BRMS1: variants seen among roughly 807,000 people sequenced by gnomAD.
BRMS1 encodes BRMS1 transcriptional repressor and anoikis regulator.
Under a neutral mutation model 40.4 loss-of-function variants are expected in BRMS1, and 26 were observed. That is an observed-to-expected ratio of 0.64 (90% confidence interval 0.47 to 0.89). BRMS1 has a LOEUF of 0.89. Ranked by LOEUF, BRMS1 falls within the 40% of genes least tolerant of loss-of-function variation. The pLI, the probability that BRMS1 is intolerant of heterozygous loss-of-function variation, is 0.00. For synonymous variants in BRMS1, 103 were observed against 116.0 expected (o/e 0.89, Z 0.72); for missense variants, 289 against 309.4 (o/e 0.93, Z 0.49).
intron 9 of BRMS1, 62 bp downstream of exon 9, chr11:66,338,181 T>G: frequency 7.4e-5 from 118 of 1,584,036 alleles, no homozygotes; most frequent in Non-Finnish European, 9.0e-5. Flanking sequence ...TCCTGGAAGC[T>G]GAGCTGAGGA....
Position 66,341,676 on chromosome 11 carries a change from G to A in BRMS1, c.140-53C>T, listed in dbSNP as rs545722634. On this transcript the variant is annotated intron_variant, in intron 2 of 9. Coordinates refer to ENST00000359957, the MANE Select transcript of BRMS1 (RefSeq NM_015399.4). The surrounding 1 kb of genome is among the most constrained non-coding windows in gnomAD (Gnocchi z 4.9). ...CTCTGGGGAGGAGTGGTGGGTACCC[G>A]CATGTGTGCATGTGCGTCCTGCATG... is the stretch of plus-strand genomic sequence containing the variant. 175 of 1,410,292 alleles carry A rather than the reference G, an allele frequency of 1.2e-4. 2 individuals are homozygous for A. In the South Asian group the frequency reaches 1.8e-3, roughly 14 times the overall value. The allele number at this position is 1,410,292 out of a possible 1,614,324, so 87.4% of individuals were successfully genotyped here.
chr11:66,343,578 C>A (rs764950933), intron 1 of BRMS1, among the ~76,000 whole-genome samples: 4 of 152,086 alleles, frequency 2.6e-5, no homozygotes, highest in Non-Finnish European at 5.9e-5. Flanking sequence ...CAAAGATGGA[C>A]CAGCTGGGTG....
Position 66,338,261 on chromosome 11 carries a change from G to T in BRMS1, c.715C>A (p.Gln239Lys). The T allele has an allele frequency of 6.2e-7, 1 of 1,611,532 alleles. No homozygotes were observed. Among genetic ancestry groups the T allele is most frequent in the Non-Finnish European group, 8.5e-7 (1 of 1,178,756 alleles). Residue 239 changes from glutamine (Q) to lysine (K), a missense_variant, in exon 9 of 10, where the codon CAG becomes AAG. Transcript: ENST00000359957. ...IKKARAAVSP[Q>K]KRKSDGP ...TTCTTACCATCCGATTTTCTCTTCT[G>T]AGGGGACACAGCTGCCCTAGCCTGG... is the stretch of plus-strand genomic sequence containing the variant.
In BRMS1 at chr11:66,338,676, G is replaced by A. The variant is rs754046585; in HGVS notation, c.693+45C>T. 4.3e-6 allele frequency: 7 copies of A among 1,613,418 alleles called. No individual in the cohort carries two copies. In the South Asian group the frequency reaches 5.5e-5, roughly 13 times the overall value. ...ATGGCAGAGCTGCTGCCAGGGTGGG[G>A]GGCCCTGAGGTGGGGCAGGTCACGT... On this transcript the variant is annotated intron_variant, in intron 8 of 9. Transcript: ENST00000359957.
At position 66,342,145 on chromosome 11, in the gene BRMS1, ACT is replaced by A; in HGVS notation, c.88_89del (p.Ser30Ter). ...TCTGGCTGCCGCTCCGCTCCTCCTCACTCTCTTCCTCCTCCCCATTCATCTCA... is the reference window on the plus strand; with the variant it reads ...TCTGGCTGCCGCTCCGCTCCTCCTCACTCTTCCTCCTCCCCATTCATCTCA... ...AAEMNGEEEE[S>X]EEERSGSQTE... On this transcript the variant is annotated frameshift_variant, in exon 2 of 10. Coordinates refer to ENST00000359957, the MANE Select transcript of BRMS1 (RefSeq NM_015399.4). LOFTEE classifies it high-confidence loss of function. 1.2e-6 allele frequency: 2 copies of A among 1,611,004 alleles called. No homozygotes were observed.
At position 66,341,363 on chromosome 11, in the gene BRMS1, A is replaced by T; in HGVS notation, c.231-30T>A. On this transcript the variant is annotated intron_variant, in intron 3 of 9. Transcript: ENST00000359957. This position sits in a 1 kb window ranked among gnomAD's most constrained non-coding sequence, Gnocchi z 4.9. Reference sequence around the variant, plus strand: ...GTGGTAAAAAGGCAGCCGTGCACCCATTTGCTCACCCATCGCTCTTGGGCA... The same window carrying T: ...GTGGTAAAAAGGCAGCCGTGCACCCTTTTGCTCACCCATCGCTCTTGGGCA... The T allele has an allele frequency of 6.2e-7, 1 of 1,604,734 alleles. No individual in the cohort carries two copies. Among genetic ancestry groups the T allele is most frequent in the Non-Finnish European group, 8.5e-7 (1 of 1,172,492 alleles).
Position 66,341,390 on chromosome 11 carries a change from A to G in BRMS1, c.231-57T>C. 2.5e-6 allele frequency: 4 copies of G among 1,602,780 alleles called. No individual in the cohort carries two copies. The highest frequency in any genetic ancestry group is 1.1e-5 in the South Asian group (1 of 90,578). Reference sequence around the variant, plus strand: ...TTGCTCACCCATCGCTCTTGGGCAAACACATACCCAGCACCCATTCCACAG... The same window carrying G: ...TTGCTCACCCATCGCTCTTGGGCAAGCACATACCCAGCACCCATTCCACAG... On this transcript the variant is annotated intron_variant, in intron 3 of 9. Coordinates refer to ENST00000359957, the MANE Select transcript of BRMS1 (RefSeq NM_015399.4). The surrounding 1 kb of genome is among the most constrained non-coding windows in gnomAD (Gnocchi z 4.9).
At chr11:66,337,918 T>A in intron 9 of BRMS1, 29 bp from the exon 10 acceptor site, 2 of 1,595,750 alleles carry the variant, frequency 1.3e-6, no homozygotes, top group Non-Finnish European at 1.7e-6. Context: ...AAGAAAACTG[T>A]CACCAGTTAG....
At chr11:66,342,914 C>T (rs1181824530) in intron 1 of BRMS1, among the ~76,000 whole-genome samples, 2 of 152,192 alleles carry the variant, frequency 1.3e-5, no homozygotes, top group Non-Finnish European at 1.5e-5. Context: ...TTACAATCTC[C>T]TTGTCTTTCA....
chr11:66,337,588 G>A lies in BRMS1; in HGVS notation c.*294C>T. ...GACTTCGGCTGTCTTCTCTGTCAGG[G>A]GAGCCCCAAGAGATGGATCTTCAGG... On this transcript the variant is annotated 3_prime_UTR_variant, in exon 10 of 10. Coordinates refer to ENST00000359957, the MANE Select transcript of BRMS1 (RefSeq NM_015399.4). 10 of 1,159,780 alleles carry A rather than the reference G, an allele frequency of 8.6e-6. No individual in the cohort carries two copies. The highest frequency in any genetic ancestry group is 3.1e-5 in the South Asian group (2 of 65,484). The allele number at this position is 1,159,780 out of a possible 1,614,324, so 71.8% of individuals were successfully genotyped here.
At position 66,342,174 on chromosome 11, in the gene BRMS1, C is replaced by G; in HGVS notation, c.61G>C (p.Ala21Pro). 6.2e-7 allele frequency: 1 copy of G among 1,613,914 alleles called. No individual in the cohort carries two copies. Among genetic ancestry groups the G allele is most frequent in the Non-Finnish European group, 8.5e-7 (1 of 1,180,018 alleles). The change falls in exon 2 of 10, where the codon GCT (alanine) becomes CCT (proline). Residue 21 changes from alanine (A) to proline (P), a missense_variant. By Grantham distance (27) the Ala-to-Pro change is conservative (BLOSUM62 -1). Transcript: ENST00000359957. ...EEMEAEGDSA[A>P]EMNGEEEESE... The stretch of plus-strand genomic sequence containing the variant: ...TCTTCCTCCTCCCCATTCATCTCAG[C>G]AGCAGAATCACCCTCTGCTTCCATC...
intron 9 of BRMS1, 82 bp from the exon 10 acceptor site, chr11:66,337,971 G>A: frequency 6.7e-7 from 1 of 1,493,738 alleles, no homozygotes; most frequent in East Asian, 2.3e-5. Context: ...AGTGGCTTTG[G>A]GCTGGCCCAG....
intron 7 of BRMS1, 123 bp from the exon 8 acceptor site, chr11:66,338,908 G>A (rs1236167666): frequency 2.1e-5 from 21 of 1,016,056 alleles, no homozygotes; most frequent in Non-Finnish European, 2.9e-5. Flanking sequence ...ACCTGGGTCC[G>A]AGGTCAGGTT....
In BRMS1 at chr11:66,341,745, T is replaced by TGC. The variant is rs1165061741; in HGVS notation, c.140-124_140-123dup. The TGC allele has an allele frequency of 1.2e-6, 1 of 845,988 alleles. No homozygotes were observed. The highest frequency in any genetic ancestry group is 1.7e-5 in the African/African-American group (1 of 60,536). 52.4% of individuals were successfully genotyped at this position (845,988 alleles called of 1,614,324 possible). A position where few individuals can be genotyped will look rare whatever the true frequency, so the allele number is the denominator to read the frequency against. On this transcript the variant is annotated intron_variant, in intron 2 of 9. Transcript: ENST00000359957. The surrounding 1 kb of genome is among the most constrained non-coding windows in gnomAD (Gnocchi z 4.9). ...CCTGTGTGTAGGGCCTGTGTGTGTG[T>TGC]GCGCGTACATGCTTGTGTGAAGGGG...
rs1855085451 is a variant in BRMS1 at position 66,341,789 on chromosome 11, G to A, written c.140-166C>T. 6.6e-6 allele frequency among the ~76,000 whole-genome samples: 1 copy of A among 150,672 alleles called. No homozygotes were observed. Among genetic ancestry groups the A allele is most frequent in the Admixed American group, 6.6e-5 (1 of 15,102 alleles). On this transcript the variant is annotated intron_variant, in intron 2 of 9. Coordinates refer to ENST00000359957, the MANE Select transcript of BRMS1 (RefSeq NM_015399.4). The surrounding 1 kb of genome is among the most constrained non-coding windows in gnomAD (Gnocchi z 4.9). ...GAAGGGGCTGTGTGTGTGCGTGTGTGCTTGTGTGTAGGGGCTGTGTGTGCA... is the reference window on the plus strand; with the variant it reads ...GAAGGGGCTGTGTGTGTGCGTGTGTACTTGTGTGTAGGGGCTGTGTGTGCA...
intron 1 of BRMS1, among the ~76,000 whole-genome samples, chr11:66,342,526 G>A (rs751237261): frequency 3.3e-5 from 5 of 152,152 alleles, no homozygotes; most frequent in Non-Finnish European, 7.4e-5. Flanking sequence ...AAAGGCCCAG[G>A]GGGCACTCTC....
At chr11:66,340,910 G>T in intron 5 of BRMS1, 40 bp from the exon 6 acceptor site, 16 of 1,613,612 alleles carry the variant, frequency 9.9e-6, no homozygotes, top group Non-Finnish European at 1.4e-5. Context: ...CGGATGGGGT[G>T]AGGCCACTTC....
chr11:66,342,255 T>G lies in BRMS1; in HGVS notation c.-7-14A>C. 3 of 1,610,950 alleles carry G rather than the reference T, an allele frequency of 1.9e-6. No individual in the cohort carries two copies. Among genetic ancestry groups the G allele is most frequent in the South Asian group, 2.2e-5 (2 of 91,064 alleles). Reference sequence around the variant, plus strand: ...GGCATCTGGACTCTGGGAGAAGGAATGGAGCTATCACTTATGGCTGCCCAC... The same window carrying G: ...GGCATCTGGACTCTGGGAGAAGGAAGGGAGCTATCACTTATGGCTGCCCAC... On this transcript the variant is annotated splice_polypyrimidine_tract_variant and intron_variant, in intron 1 of 9. Transcript: ENST00000359957.
chr11:66,338,255 T>G lies in BRMS1; in HGVS notation c.721A>C (p.Arg241=). 1 of 1,611,688 alleles carries G rather than the reference T, an allele frequency of 6.2e-7. No individual in the cohort carries two copies. The highest frequency in any genetic ancestry group is 8.5e-7 in the Non-Finnish European group (1 of 1,178,856). The change falls in exon 9 of 10, where the codon AGA becomes CGA. Residue 241 remains arginine (R), a synonymous_variant. Coordinates refer to ENST00000359957, the MANE Select transcript of BRMS1 (RefSeq NM_015399.4). ...KARAAVSPQK[R]KSDGP ...CCATGGTTCTTACCATCCGATTTTC[T>G]CTTCTGAGGGGACACAGCTGCCCTA...
Sources: allele counts gnomAD v4.1 joint callset (sites outside exome capture counted in the v4.1 genomes callset), GRCh38; gene constraint gnomAD v4.1.1; non-coding constraint Gnocchi (gnomAD v3.1); transcripts MANE v1.5; gene names NCBI Gene and HGNC (gene_info 2026-07-23, HGNC 2026-07-21).